The following AGBL4 variants were observed in gnomAD, a reference collection of about 807,000 sequenced individuals.
The protein encoded by AGBL4 is cytosolic carboxypeptidase 6.
Under a neutral mutation model 66.4 loss-of-function variants are expected in AGBL4, and 58 were observed. The ratio of observed to expected loss-of-function variants is 0.87; its 90% confidence interval spans 0.71 to 1.09. The LOEUF (loss-of-function observed/expected upper bound fraction) is 1.09, where lower values mean the gene tolerates loss of function less well. AGBL4 is among the 50% of genes least tolerant of loss of function. The probability of loss-of-function intolerance (pLI) is 0.00; values close to 1 mark genes in which losing one functional copy is unlikely to be tolerated. For missense variants in AGBL4, 579 were observed against 631.0 expected, an observed-to-expected ratio of 0.92 and a Z score of 0.88; for synonymous variants, 234 against 222.9, an observed-to-expected ratio of 1.05 and a Z score of -0.44.
At chr1:49,679,243 G>T (rs1227606704) in intron 3 of AGBL4, among the ~76,000 whole-genome samples, 7 of 152,114 alleles carry the variant, frequency 4.6e-5, no homozygotes, top group African/African-American at 1.7e-4. Context: ...ACATTCAGAA[G>T]AAGATGCCTT....
At chr1:49,566,079 C>T (rs892262974) in intron 3 of AGBL4, among the ~76,000 whole-genome samples, 4 of 152,206 alleles carry the variant, frequency 2.6e-5, no homozygotes. Flanking sequence ...ACCCTTTCTT[C>T]CCGTTGATCG....
chr1:49,705,872 C>A lies in AGBL4; in HGVS notation c.158-8435G>T, dbSNP rs12077922. On this transcript the variant is annotated intron_variant, in intron 2 of 13. Transcript: ENST00000371839. The stretch of plus-strand genomic sequence containing the variant: ...CATTGATTTGCGTATGTTGAACCAG[C>A]CTTGTATCCCAGGGATGAAGCCAAC... Among the ~76,000 whole-genome samples, 758 of 152,222 alleles carry A rather than the reference C, an allele frequency of 5.0e-3. 13 individuals are homozygous for A. The highest frequency in any genetic ancestry group is 0.017 in the African/African-American group (713 of 41,534).
intron 11 of AGBL4, among the ~76,000 whole-genome samples, chr1:48,580,967 C>T (rs975909752): frequency 6.6e-6 from 1 of 152,082 alleles, no homozygotes; most frequent in Non-Finnish European, 1.5e-5. Flanking sequence ...GTTTCTCTTC[C>T]TCCACGAAGC....
intron 4 of AGBL4, among the ~76,000 whole-genome samples, chr1:49,151,523 T>G (rs886878333): frequency 4.7e-5 from 7 of 150,320 alleles, no homozygotes; most frequent in Admixed American, 4.0e-4. Context: ...AAACTGTCAT[T>G]GCGTGCTTCA....
chr1:48,535,097 G>T (rs1047295412), intron 12 of AGBL4, among the ~76,000 whole-genome samples, 181 bp from the exon 13 acceptor site: 17 of 152,114 alleles, frequency 1.1e-4, no homozygotes, highest in African/African-American at 4.1e-4. Flanking sequence ...TCATAGCTGG[G>T]GCAGCCATGG....
At chr1:49,222,489 A>T (rs1396559600) in intron 4 of AGBL4, among the ~76,000 whole-genome samples, 3 of 152,228 alleles carry the variant, frequency 2.0e-5, no homozygotes, top group Admixed American at 1.3e-4. Flanking sequence ...TCATCTAATA[A>T]AGCAAAATTT....
chr1:49,282,849 G>T (rs545785652), intron 3 of AGBL4, among the ~76,000 whole-genome samples: 1 of 152,152 alleles, frequency 6.6e-6, no homozygotes, highest in African/African-American at 2.4e-5. Flanking sequence ...ATTATATCCC[G>T]CACCTGGCTT....
intron 3 of AGBL4, among the ~76,000 whole-genome samples, chr1:49,398,655 A>G (rs928881661): frequency 6.6e-6 from 1 of 152,146 alleles, no homozygotes; most frequent in African/African-American, 2.4e-5. Context: ...CTTGCCATCC[A>G]TTAGTCAAAG....
chr1:49,129,521 T>C (rs1645842006), intron 4 of AGBL4, among the ~76,000 whole-genome samples: 1 of 151,152 alleles, frequency 6.6e-6, no homozygotes, highest in Non-Finnish European at 1.5e-5. Flanking sequence ...TGTCCATGTG[T>C]TCTCATTGTT....
chr1:48,561,895 C>A (rs148325542), intron 11 of AGBL4, among the ~76,000 whole-genome samples: 1 of 152,226 alleles, frequency 6.6e-6, no homozygotes, highest in Non-Finnish European at 1.5e-5. Flanking sequence ...GACTTCTCAG[C>A]CTCCATAATT....
At chr1:49,496,216 G>A (rs1415982344) in intron 3 of AGBL4, among the ~76,000 whole-genome samples, 1 of 151,926 alleles carries the variant, frequency 6.6e-6, no homozygotes, top group Non-Finnish European at 1.5e-5. Context: ...CTGCTACTTG[G>A]CAGCCATTTA....
chr1:48,551,168 C>T (rs1031508622), intron 11 of AGBL4, among the ~76,000 whole-genome samples: 4 of 152,160 alleles, frequency 2.6e-5, no homozygotes, highest in African/African-American at 7.2e-5. Flanking sequence ...CTTCCATAAG[C>T]TAGTATAAGC....
intron 5 of AGBL4, among the ~76,000 whole-genome samples, chr1:48,999,088 CA>C (rs759989158): frequency 3.1e-4 from 47 of 152,152 alleles, no homozygotes; most frequent in Non-Finnish European, 6.3e-4. Flanking sequence ...AGTTCCTTGT[CA>C]GTTCAGGTAT....
intron 11 of AGBL4, among the ~76,000 whole-genome samples, chr1:48,551,279 G>T (rs182846554): frequency 1.4e-3 from 212 of 152,312 alleles, no homozygotes; most frequent in African/African-American, 5.0e-3. Flanking sequence ...ATGTTTAGCT[G>T]TGTGAACCTG....
chr1:49,449,114 C>A (rs940873830), intron 3 of AGBL4, among the ~76,000 whole-genome samples: 2 of 151,618 alleles, frequency 1.3e-5, no homozygotes, highest in African/African-American at 4.8e-5. Context: ...TACTATAAAC[C>A]TGATGATATA....
At chr1:49,786,292 G>T (rs1237568203) in intron 2 of AGBL4, among the ~76,000 whole-genome samples, 1 of 151,750 alleles carries the variant, frequency 6.6e-6, no homozygotes, top group African/African-American at 2.4e-5. Context: ...TTTATCTTAC[G>T]GTTATGAGCT....
At chr1:49,228,299 A>G (rs983272831) in intron 4 of AGBL4, among the ~76,000 whole-genome samples, 2 of 152,232 alleles carry the variant, frequency 1.3e-5, no homozygotes, top group African/African-American at 4.8e-5. Context: ...TGAAACTTAC[A>G]TCTTAGCAGG....
rs540406020 is a variant in AGBL4, at chr1:48,944,401, G to A, written c.595-77171C>T. ...AGAATTACTATCGCAGGCATGAGCA[G>A]GGCAGTATCTAAGTAAAATTCTGAA... is the stretch of plus-strand genomic sequence containing the variant. On this transcript the variant is annotated intron_variant, in intron 5 of 13. Coordinates refer to ENST00000371839, the MANE Select transcript of AGBL4 (RefSeq NM_032785.4). Among the ~76,000 whole-genome samples, 8 of 152,272 alleles carry A rather than the reference G, an allele frequency of 5.3e-5. No homozygotes were observed. In the South Asian group the frequency reaches 1.5e-3, roughly 28 times the overall value.
chr1:48,871,557 C>T (rs1411344525), intron 5 of AGBL4, among the ~76,000 whole-genome samples: 1 of 152,064 alleles, frequency 6.6e-6, no homozygotes, highest in African/African-American at 2.4e-5. Context: ...GATATGTGGA[C>T]TCCTGGCTGT....
Sources: allele counts gnomAD v4.1 joint callset (sites outside exome capture counted in the v4.1 genomes callset), GRCh38; gene constraint gnomAD v4.1.1; transcripts MANE v1.5; gene names NCBI Gene and HGNC (gene_info 2026-07-23, HGNC 2026-07-21).